TMEM245: variants seen among roughly 807,000 people sequenced by gnomAD.
TMEM245 encodes the protein transmembrane protein 245.
A neutral mutation model predicts 101.2 loss-of-function variants in TMEM245; 69 were observed. That is an observed-to-expected ratio of 0.68 (90% CI 0.56 to 0.83). TMEM245 has a LOEUF of 0.83. Ranked by LOEUF, TMEM245 falls within the 40% of genes least tolerant of loss-of-function variation. The probability of loss-of-function intolerance (pLI) is 0.00; values close to 1 mark genes in which losing one functional copy is unlikely to be tolerated. For missense variants in TMEM245, 1,075 were observed against 1,092.8 expected (o/e 0.98, Z 0.23); for synonymous variants, 537 against 449.8 (o/e 1.19, Z -2.45).
intron 3 of TMEM245, among the ~76,000 whole-genome samples, chr9:109,094,741 G>T (rs960410453): frequency 1.3e-5 from 2 of 152,156 alleles, no homozygotes; most frequent in African/African-American, 4.8e-5. Flanking sequence ...ACCTGGGGTA[G>T]ATTCTATTGT....
chr9:109,087,957 G>C (rs1233148675), intron 5 of TMEM245, among the ~76,000 whole-genome samples: 5 of 152,188 alleles, frequency 3.3e-5, no homozygotes, highest in African/African-American at 1.2e-4. Flanking sequence ...CCAAGGCTGT[G>C]CACGGCAACT....
At chr9:109,041,710 A>C (rs1453606712) in intron 14 of TMEM245, among the ~76,000 whole-genome samples, 1 of 152,052 alleles carries the variant, frequency 6.6e-6, no homozygotes, top group Non-Finnish European at 1.5e-5. Flanking sequence ...AAAACTGCTA[A>C]GAGTACCTCT....
chr9:109,042,833 C>T (rs72760318), intron 14 of TMEM245, among the ~76,000 whole-genome samples: 22,434 of 147,632 alleles, frequency 0.15, 1,992 homozygotes, highest in African/African-American at 0.2. Flanking sequence ...AAAGGTATAG[C>T]TGACAATTTT....
At chr9:109,115,682 G>A (rs959167305) in intron 1 of TMEM245, among the ~76,000 whole-genome samples, 1 of 151,006 alleles carries the variant, frequency 6.6e-6, no homozygotes, top group Admixed American at 6.6e-5. Flanking sequence ...GGAGTCGGCC[G>A]TCACACCCGG....
At chr9:109,088,489 T>C (rs1228093964) in intron 5 of TMEM245, among the ~76,000 whole-genome samples, 1 of 151,936 alleles carries the variant, frequency 6.6e-6, no homozygotes, top group Non-Finnish European at 1.5e-5. Flanking sequence ...TGCAACAGCA[T>C]TTGACACACA....
In TMEM245 at chr9:109,018,513, A is replaced by C. The variant is rs1033971775; in HGVS notation, c.*1947T>G. ...TGATTATAATCGCTAAAATATTCAT[A>C]ATAGAAATAAAGAGATCTGTATGCA... On this transcript the variant is annotated 3_prime_UTR_variant, in exon 18 of 18. Transcript: ENST00000374586. 10 of 152,218 alleles carry C rather than the reference A, an allele frequency of 6.6e-5. No homozygotes were observed. Among genetic ancestry groups the C allele is most frequent in the African/African-American group, 2.4e-4 (10 of 41,444 alleles). The allele number at this position is 152,218 out of a possible 1,614,324, so 9.4% of individuals were successfully genotyped here.
chr9:109,040,055 G>A (rs1828257256), intron 14 of TMEM245, among the ~76,000 whole-genome samples: 1 of 152,228 alleles, frequency 6.6e-6, no homozygotes, highest in Non-Finnish European at 1.5e-5. Flanking sequence ...ACCACGTGGA[G>A]AAGACAGCAG....
At chr9:109,099,523 T>C (rs1045459018) in intron 3 of TMEM245, among the ~76,000 whole-genome samples, 3 of 152,232 alleles carry the variant, frequency 2.0e-5, no homozygotes, top group African/African-American at 7.2e-5. Context: ...ATATATCTGA[T>C]GATTGTTTCA....
At chr9:109,043,053 G>A (rs1268160866) in intron 14 of TMEM245, among the ~76,000 whole-genome samples, 2 of 151,722 alleles carry the variant, frequency 1.3e-5, no homozygotes, top group Non-Finnish European at 2.9e-5. Context: ...GTTTTGGTTC[G>A]GTTACTTTAA....
chr9:109,051,552 G>A (rs57314245), intron 12 of TMEM245, among the ~76,000 whole-genome samples: 44,229 of 151,854 alleles, frequency 0.29, 6,508 homozygotes, highest in Admixed American at 0.33. Flanking sequence ...CCTTTGTAGC[G>A]TGTTACTGTA....
intron 7 of TMEM245, among the ~76,000 whole-genome samples, chr9:109,085,384 T>C (rs1167011920): frequency 6.6e-6 from 1 of 152,236 alleles, no homozygotes. Flanking sequence ...AGTGTGCCTA[T>C]TATAATGCCA....
chr9:109,091,095 G>A lies in TMEM245; in HGVS notation c.977C>T (p.Pro326Leu). ...AGTAGGTGAAGGGGAAGTGGGTGAA[G>A]GGGAGGAGGGTGAAGGGGAGGTGGA... The part of the protein sequence containing the change: ...TLSTSPSPSS[P>L]SPTSPSPTLG... Residue 326 changes from proline (P) to leucine (L), a missense_variant, in exon 5 of 18, where the codon CCT becomes CTT. Pro to Leu is a moderately conservative substitution (Grantham distance 98). Transcript: ENST00000374586. 1 of 1,614,028 alleles carries A rather than the reference G, an allele frequency of 6.2e-7. No homozygotes were observed. Among genetic ancestry groups the A allele is most frequent in the Non-Finnish European group, 8.5e-7 (1 of 1,179,944 alleles).
intron 3 of TMEM245, among the ~76,000 whole-genome samples, chr9:109,099,259 T>C (rs998925917): frequency 2.0e-5 from 3 of 152,204 alleles, no homozygotes; most frequent in Admixed American, 6.5e-5. Flanking sequence ...CCTGTTTAAC[T>C]TGCAGTATCA....
At chr9:109,033,815 G>C (rs1235003134) in intron 16 of TMEM245, among the ~76,000 whole-genome samples, 1 of 152,206 alleles carries the variant, frequency 6.6e-6, no homozygotes, top group Non-Finnish European at 1.5e-5. Flanking sequence ...GGTTAATGTT[G>C]GCTTGGGACT....
Position 109,106,235 on chromosome 9 carries a change from A to ATAAAAATATTTTATTTTATAAAAATAAAG in TMEM245, c.799+272_799+273insCTTTATTTTTATAAAATAAAATATTTTTA, listed in dbSNP as rs1588079219. The stretch of plus-strand genomic sequence containing the variant: ...CAAGACCTTGTCACTAAAAAATAAA[A>ATAAAAATATTTTATTTTATAAAAATAAAG]TAAAAATATTTTATTTTATAAAAAT... On this transcript the variant is annotated intron_variant, in intron 3 of 17. Transcript: ENST00000374586. 2.0e-5 allele frequency among the ~76,000 whole-genome samples: 3 copies of ATAAAAATATTTTATTTTATAAAAATAAAG among 152,012 alleles called. No individual in the cohort carries two copies. The East Asian group carries it at 5.8e-4, about 29-fold the overall frequency.
chr9:109,050,633 G>A lies in TMEM245; in HGVS notation c.1914C>T (p.Val638=). ...AGAAGAGGATGGTCAAGAGTGTAGT[G>A]ACAGTGGTGAACAGCAGGCTCACAT... ...SRNVSLLFTT[V]TTLLTILFYS... The change falls in exon 13 of 18, where the codon GTC becomes GTT. Residue 638 remains valine, a synonymous_variant. Transcript: ENST00000374586. The A allele has an allele frequency of 6.2e-7, 1 of 1,613,560 alleles. No individual in the cohort carries two copies. The highest frequency in any genetic ancestry group is 8.5e-7 in the Non-Finnish European group (1 of 1,179,926).
chr9:109,078,842 T>C (rs1474167338), intron 8 of TMEM245, among the ~76,000 whole-genome samples: 1 of 152,188 alleles, frequency 6.6e-6, no homozygotes, highest in East Asian at 1.9e-4. Flanking sequence ...TTTTCTACCT[T>C]TTTCTCTTCC....
chr9:109,082,356 G>A (rs1291353804), intron 7 of TMEM245, among the ~76,000 whole-genome samples: 2 of 152,104 alleles, frequency 1.3e-5, no homozygotes, highest in East Asian at 1.9e-4. Flanking sequence ...AGGAATAACA[G>A]GTTTCTAAGA....
chr9:109,032,578 G>C (rs1295889208), intron 17 of TMEM245, among the ~76,000 whole-genome samples: 1 of 149,360 alleles, frequency 6.7e-6, no homozygotes, highest in East Asian at 2.0e-4. Context: ...AGTAGAGATG[G>C]GGTTTTACCA....
Sources: allele counts gnomAD v4.1 joint callset (sites outside exome capture counted in the v4.1 genomes callset), GRCh38; gene constraint gnomAD v4.1.1; transcripts MANE v1.5; gene names NCBI Gene and HGNC (gene_info 2026-07-23, HGNC 2026-07-21).